The following EVA1C variants were observed in gnomAD, a reference collection of about 807,000 sequenced individuals.
EVA1C encodes the protein eva-1 homolog C, also known as protein eva-1 homolog C.
A neutral mutation model predicts 45.4 loss-of-function variants in EVA1C; 25 were observed. The observed-to-expected ratio is 0.55, with a 90% CI of 0.40 to 0.77. The LOEUF is 0.77. Ranked by LOEUF, EVA1C falls within the 30% of genes least tolerant of loss-of-function variation. The pLI is 0.00. For missense variants in EVA1C, 479 were observed against 554.8 expected, an observed-to-expected ratio of 0.86 and a Z score of 1.37; for synonymous variants, 190 against 221.2, an observed-to-expected ratio of 0.86 and a Z score of 1.25.
chr21:32,495,229 T>C, intron 5 of EVA1C, 59 bp downstream of exon 5: 1 of 1,582,420 alleles, frequency 6.3e-7, no homozygotes, highest in Non-Finnish European at 8.6e-7. Context: ...GGGAGGGTGG[T>C]GACCATGTGA....
chr21:32,442,738 T>A (rs866963601), intron 1 of EVA1C, among the ~76,000 whole-genome samples: 1 of 147,678 alleles, frequency 6.8e-6, no homozygotes, highest in African/African-American at 2.5e-5. Flanking sequence ...TTCCCAGAAG[T>A]AAGATTGTGA....
At chr21:32,424,899 C>G (rs2034429143) in intron 1 of EVA1C, among the ~76,000 whole-genome samples, 2 of 152,136 alleles carry the variant, frequency 1.3e-5, no homozygotes, top group Non-Finnish European at 2.9e-5. Flanking sequence ...TTCTGTTACC[C>G]AGGCTGGAGT....
At chr21:32,427,963 C>T (rs574245875) in intron 1 of EVA1C, among the ~76,000 whole-genome samples, 22 of 151,498 alleles carry the variant, frequency 1.5e-4, no homozygotes, top group African/African-American at 5.1e-4. Context: ...AGTGACTTTT[C>T]TCATTACATG....
chr21:32,505,766 C>G (rs1041556113), intron 7 of EVA1C, among the ~76,000 whole-genome samples: 1 of 152,200 alleles, frequency 6.6e-6, no homozygotes, highest in African/African-American at 2.4e-5. Context: ...GAGACAGAGA[C>G]AGAGACATCT....
chr21:32,414,790 T>C (rs1200571617), intron 1 of EVA1C, among the ~76,000 whole-genome samples: 1 of 152,158 alleles, frequency 6.6e-6, no homozygotes, highest in Non-Finnish European at 1.5e-5. Flanking sequence ...GTGGTGATAT[T>C]GCCACCCACA....
At chr21:32,441,824 G>T (rs1283804863) in intron 1 of EVA1C, among the ~76,000 whole-genome samples, 1 of 152,220 alleles carries the variant, frequency 6.6e-6, no homozygotes, top group Non-Finnish European at 1.5e-5. Flanking sequence ...AGAAACCAAT[G>T]TTAACTACAA....
rs186039881 is a variant in EVA1C, at chr21:32,461,548, T to A, written c.481+3828T>A. On this transcript the variant is annotated intron_variant, in intron 3 of 7. Transcript: ENST00000300255. ...TCCAGTCTGAGCAGGACACTGTGATTGTCCAAAGGCTGCACTGCTGCACCC... is the reference window on the plus strand; with the variant it reads ...TCCAGTCTGAGCAGGACACTGTGATAGTCCAAAGGCTGCACTGCTGCACCC... Among the ~76,000 whole-genome samples, 9 of 152,324 alleles carry A rather than the reference T, an allele frequency of 5.9e-5. No individual in the cohort carries two copies. The East Asian group carries it at 1.7e-3, about 29-fold the overall frequency.
At chr21:32,416,419 C>A in intron 1 of EVA1C, among the ~76,000 whole-genome samples, 1 of 150,540 alleles carries the variant, frequency 6.6e-6, no homozygotes, top group Admixed American at 6.7e-5. Context: ...ACCTCTGCCT[C>A]CCAGGTTCAA....
At chr21:32,493,780 T>G (rs1001092430) in intron 4 of EVA1C, 3 of 148,976 alleles carry the variant, frequency 2.0e-5, no homozygotes, top group African/African-American at 7.4e-5. Context: ...TTTTATTTAT[T>G]TATTTATTTA....
chr21:32,450,911 T>C (rs1344254475), intron 1 of EVA1C, among the ~76,000 whole-genome samples: 1 of 152,162 alleles, frequency 6.6e-6, no homozygotes, highest in Non-Finnish European at 1.5e-5. Flanking sequence ...AGATTTTGCT[T>C]CTCTAAGTGA....
chr21:32,425,150 AAAAC>A (rs56144507), intron 1 of EVA1C, among the ~76,000 whole-genome samples: 10 of 148,832 alleles, frequency 6.7e-5, no homozygotes, highest in Admixed American at 2.0e-4. Context: ...ATCTCTACTA[AAAAC>A]AAACAAACAA....
At chr21:32,486,483 T>C (rs1018646513) in intron 4 of EVA1C, among the ~76,000 whole-genome samples, 1 of 152,148 alleles carries the variant, frequency 6.6e-6, no homozygotes, top group African/African-American at 2.4e-5. Context: ...TTACCAGGTA[T>C]TACTGCTTCC....
chr21:32,507,999 G>A (rs62214675), intron 7 of EVA1C, among the ~76,000 whole-genome samples: 4,050 of 152,084 alleles, frequency 0.027, 80 homozygotes, highest in Non-Finnish European at 0.039. Context: ...GTGTGGGTGC[G>A]TGTGTGTACG....
chr21:32,496,760 C>T (rs1568944761), intron 5 of EVA1C: 13 of 655,874 alleles, frequency 2.0e-5, no homozygotes, highest in East Asian at 8.0e-5. Flanking sequence ...GGCCGGGGAC[C>T]GGGAAAGCTG....
chr21:32,459,838 CAAAAAAAAAAAAA>C (rs35572319), intron 3 of EVA1C, among the ~76,000 whole-genome samples: 1 of 63,184 alleles, frequency 1.6e-5, no homozygotes, highest in Non-Finnish European at 3.2e-5. Context: ...GAGACTGTCT[CAAAAAAAAAAAAA>C]AAAAAAAAGC....
chr21:32,445,695 C>T (rs73190669), intron 1 of EVA1C, among the ~76,000 whole-genome samples: 16,333 of 152,220 alleles, frequency 0.11, 1,026 homozygotes, highest in Middle Eastern at 0.25. Flanking sequence ...AGAGCTCCTG[C>T]CACTCTTAGG....
At position 32,452,742 on chromosome 21, in the gene EVA1C, G is replaced by T. The variant is rs942134566; in HGVS notation, c.161-570G>T. The T allele has an allele frequency of 2.0e-5, 3 of 152,396 alleles. No individual in the cohort carries two copies. The highest frequency in any genetic ancestry group is 7.2e-5 in the African/African-American group (3 of 41,440). The allele number at this position is 152,396 out of a possible 1,614,324, so 9.4% of individuals were successfully genotyped here. On this transcript the variant is annotated intron_variant, in intron 1 of 7. Transcript: ENST00000300255. This position sits in a 1 kb window ranked among gnomAD's most constrained non-coding sequence, Gnocchi z 4.0. ...AGAAGGGGGATGGAGTGGGAAGGTG[G>T]TCTTCCCCTAGAGTTGGGCTGCCCA...
intron 4 of EVA1C, among the ~76,000 whole-genome samples, chr21:32,478,292 C>A (rs1280410660): frequency 1.3e-5 from 2 of 152,080 alleles, no homozygotes; most frequent in African/African-American, 4.8e-5. Context: ...GATCTCAGCT[C>A]ACTGCAACCT....
intron 6 of EVA1C, among the ~76,000 whole-genome samples, chr21:32,502,615 C>A (rs1365248517): frequency 6.6e-6 from 1 of 152,012 alleles, no homozygotes; most frequent in Non-Finnish European, 1.5e-5. Flanking sequence ...GTCTTTCCCC[C>A]CTAAGTATAA....
Sources: allele counts gnomAD v4.1 joint callset (sites outside exome capture counted in the v4.1 genomes callset), GRCh38; gene constraint gnomAD v4.1.1; non-coding constraint Gnocchi (gnomAD v3.1); transcripts MANE v1.5; gene names NCBI Gene and HGNC (gene_info 2026-07-23, HGNC 2026-07-21).